IGSF11: variants seen among roughly 807,000 people sequenced by gnomAD.
The protein encoded by IGSF11 is immunoglobulin superfamily member 11.
In IGSF11, 22 loss-of-function variants were observed where a neutral mutation model predicts 41.0. That is an observed-to-expected ratio of 0.54 (90% CI 0.38 to 0.77). IGSF11 has a LOEUF of 0.77. IGSF11 is among the 30% of genes least tolerant of loss of function. The pLI is 0.00. For synonymous variants in IGSF11, 219 were observed against 201.3 expected, an observed-to-expected ratio of 1.09 and a Z score of -0.74; for missense variants, 444 against 530.8, an observed-to-expected ratio of 0.84 and a Z score of 1.61.
chr3:119,077,324 G>A (rs532573173), intron 1 of IGSF11, among the ~76,000 whole-genome samples: 2 of 152,114 alleles, frequency 1.3e-5, no homozygotes, highest in East Asian at 3.9e-4. Flanking sequence ...TGTAAATGAC[G>A]AGTTAATGGG....
chr3:118,992,276 T>C (rs1223512991), intron 1 of IGSF11, among the ~76,000 whole-genome samples: 2 of 152,128 alleles, frequency 1.3e-5, no homozygotes, highest in Non-Finnish European at 2.9e-5. Context: ...AGACATAAGG[T>C]AAGTCTGGAT....
intron 1 of IGSF11, among the ~76,000 whole-genome samples, chr3:118,979,819 G>A (rs1429741954): frequency 6.6e-6 from 1 of 151,940 alleles, no homozygotes; most frequent in Non-Finnish European, 1.5e-5. Context: ...GCAATCAACA[G>A]TAAAATATTA....
chr3:119,090,837 GGCT>G (rs2076750557), intron 1 of IGSF11, among the ~76,000 whole-genome samples: 1 of 152,104 alleles, frequency 6.6e-6, no homozygotes, highest in African/African-American at 2.4e-5. Context: ...AGGAATTTTT[GGCT>G]AAGTTCCCAA....
chr3:118,952,576 G>A (rs1476724411), intron 1 of IGSF11, among the ~76,000 whole-genome samples: 1 of 152,084 alleles, frequency 6.6e-6, no homozygotes, highest in Non-Finnish European at 1.5e-5. Context: ...TTTATCATGA[G>A]ATTGCAACAA....
At chr3:118,955,368 T>C (rs1027819536) in intron 1 of IGSF11, among the ~76,000 whole-genome samples, 3 of 152,092 alleles carry the variant, frequency 2.0e-5, no homozygotes, top group Non-Finnish European at 4.4e-5. Context: ...AACTCAGTAA[T>C]GGAAAACCAA....
intron 1 of IGSF11, among the ~76,000 whole-genome samples, chr3:118,973,136 T>C (rs1933643661): frequency 6.6e-6 from 1 of 152,232 alleles, no homozygotes. Context: ...CATCCAGGGA[T>C]ATGCCCCGCC....
intron 1 of IGSF11, among the ~76,000 whole-genome samples, chr3:119,081,804 G>A (rs2076591636): frequency 6.6e-6 from 1 of 152,098 alleles, no homozygotes; most frequent in African/African-American, 2.4e-5. Context: ...GTATTTGCTT[G>A]TCCAAATAAA....
intron 1 of IGSF11, among the ~76,000 whole-genome samples, chr3:119,097,162 G>A (rs950180997): frequency 4.6e-5 from 7 of 151,962 alleles, no homozygotes; most frequent in South Asian, 2.1e-4. Flanking sequence ...CAAGCTCCAC[G>A]ACTAGAATGC....
At chr3:118,955,274 A>C (rs1944880677) in intron 1 of IGSF11, among the ~76,000 whole-genome samples, 1 of 151,630 alleles carries the variant, frequency 6.6e-6, no homozygotes, top group Admixed American at 6.6e-5. Flanking sequence ...ACACCATGGA[A>C]TACTACTCAG....
At position 119,034,557 on chromosome 3, in the gene IGSF11, G is replaced by A. The variant is rs1325974826; in HGVS notation, c.26C>T (p.Ala9Val). ...GTGCAGAGAGAGGAGCAGCAAAGGC[G>A]CCAGAGGGGAACGCTGAGAAGTCAT... MTSQRSPL[A>V]PLLLLSLHGV... Residue 9 changes from alanine (A) to valine (V), a missense_variant, in exon 1 of 7, where the codon GCG (alanine) becomes GTG (valine). By Grantham distance (64) the Ala-to-Val change is moderately conservative (BLOSUM62 0). Around this residue, in one of 3 missense-constraint regions of IGSF11, gnomAD observed 28 missense variants for 21.1 expected, o/e 1.33. Transcript: ENST00000393775. 3 of 1,592,666 alleles carry A rather than the reference G, an allele frequency of 1.9e-6. No homozygotes were observed. The highest frequency in any genetic ancestry group is 2.6e-6 in the Non-Finnish European group (3 of 1,170,584).
chr3:119,092,003 G>C (rs34924237), intron 1 of IGSF11, among the ~76,000 whole-genome samples: 25 of 132,564 alleles, frequency 1.9e-4, no homozygotes, highest in Non-Finnish European at 3.1e-4. Flanking sequence ...TGGGGGGGGG[G>C]GGTTGGTGGT....
At chr3:119,035,402 T>C (rs1010065445), upstream of IGSF11, among the ~76,000 whole-genome samples, 4 of 152,252 alleles carry the variant, frequency 2.6e-5, no homozygotes, top group Non-Finnish European at 4.4e-5. Flanking sequence ...CCTTTCTTCC[T>C]TGAAAAGTGG....
At position 118,957,263 on chromosome 3, in the gene IGSF11, T is replaced by A. The variant is rs149536893; in HGVS notation, c.53-26988A>T. On this transcript the variant is annotated intron_variant, in intron 1 of 6. Transcript: ENST00000393775. ...TGTCTACTCACACTGGGGAGGGCAA[T>A]CTACTTTACTTAGTCCAACTACTCA... 8.1e-3 allele frequency among the ~76,000 whole-genome samples: 1,235 copies of A among 152,268 alleles called. 7 individuals are homozygous for A. Among genetic ancestry groups the A allele is most frequent in the Non-Finnish European group, 0.013 (901 of 68,024 alleles).
intron 1 of IGSF11, among the ~76,000 whole-genome samples, chr3:119,054,374 A>G (rs1263503318): frequency 6.6e-6 from 1 of 152,220 alleles, no homozygotes; most frequent in Non-Finnish European, 1.5e-5. Flanking sequence ...TGCACTAAGG[A>G]CATGAATAGG....
rs113421729 is a variant in IGSF11 at position 119,113,432 on chromosome 3, G to A, written c.-13-8227C>T. 3.6e-3 allele frequency among the ~76,000 whole-genome samples: 545 copies of A among 152,212 alleles called. 2 individuals are homozygous for A. Among genetic ancestry groups the A allele is most frequent in the African/African-American group, 0.012 (509 of 41,540 alleles). On this transcript the variant is annotated intron_variant, in intron 1 of 7. Transcript: ENST00000425327. ...AAGGAAGAGACTGGCCAAAACAAAG[G>A]AGCTACAGGTCCCATGGAAGTCCAA...
chr3:119,052,715 T>G (rs915778378), intron 1 of IGSF11, among the ~76,000 whole-genome samples: 1 of 150,800 alleles, frequency 6.6e-6, no homozygotes, highest in African/African-American at 2.4e-5. Flanking sequence ...CAGACCAATA[T>G]CCCTAATGAA....
rs1553754813 is a variant in IGSF11 at position 118,933,470 on chromosome 3, T to TTA, written c.53-3197_53-3196dup. Among the ~76,000 whole-genome samples the TTA allele has an allele frequency of 5.9e-3, 863 of 146,082 alleles. 6 individuals carry two copies. Among genetic ancestry groups the TTA allele is most frequent in the East Asian group, 0.017 (84 of 5,026 alleles). ...TCTCTCTACATATAACATGTATTTT[T>TTA]TATATATATATATATATATACACAC... is the stretch of plus-strand genomic sequence containing the variant. On this transcript the variant is annotated intron_variant, in intron 1 of 6. Transcript: ENST00000393775.
rs551523381 is a variant in IGSF11, at chr3:119,010,765, C to CTA, written c.52+23764_52+23765dup. Among the ~76,000 whole-genome samples, 81 of 152,260 alleles carry CTA rather than the reference C, an allele frequency of 5.3e-4. No individual in the cohort carries two copies. In the East Asian group the frequency reaches 0.01, roughly 20 times the overall value. On this transcript the variant is annotated intron_variant, in intron 1 of 6. Coordinates refer to ENST00000393775, the MANE Select transcript of IGSF11 (RefSeq NM_001015887.3). ...TCATAATAAATCTCTTTCTACATAT[C>CTA]TATATATATCTAATGGTTTCCTTTC...
At chr3:119,000,562 C>G (rs1168363970) in intron 1 of IGSF11, among the ~76,000 whole-genome samples, 1 of 151,132 alleles carries the variant, frequency 6.6e-6, no homozygotes, top group Non-Finnish European at 1.5e-5. Context: ...ATCAGATCCA[C>G]CAAGAAATCC....
Sources: gnomAD v4.1 joint callset for allele counts (sites outside exome capture counted in the v4.1 genomes callset) on GRCh38, gnomAD v4.1.1 for gene constraint, gnomAD v4.1.1 regional missense constraint, MANE v1.5 for transcripts, NCBI Gene and HGNC (gene_info 2026-07-23, HGNC 2026-07-21) for gene names.